Variants in FAM167A observed in about 807,000 individuals in gnomAD.
FAM167A encodes family with sequence similarity 167 member A, also known as protein FAM167A.
FAM167A carries 23 observed loss-of-function variants against 14.9 expected under a neutral mutation model. That is an observed-to-expected ratio of 1.55 (90% CI 1.11 to 2.19). FAM167A has a LOEUF of 2.19. Ranked by LOEUF, FAM167A falls within the 30% of genes most tolerant of loss-of-function variation. The pLI is 0.00. For synonymous variants in FAM167A, 174 were observed against 117.7 expected, an observed-to-expected ratio of 1.48 and a Z score of -3.10; for missense variants, 401 against 281.5, an observed-to-expected ratio of 1.42 and a Z score of -3.04.
At chr8:11,453,175 C>A (rs779998334) in intron 1 of FAM167A, among the ~76,000 whole-genome samples, 4 of 152,202 alleles carry the variant, frequency 2.6e-5, no homozygotes, top group Non-Finnish European at 5.9e-5. Context: ...AACTTTCCTA[C>A]TAAGTAACTT....
At chr8:11,441,847 G>A (rs961329216) in intron 2 of FAM167A, among the ~76,000 whole-genome samples, 5 of 152,096 alleles carry the variant, frequency 3.3e-5, no homozygotes, top group African/African-American at 1.2e-4. Flanking sequence ...GCATTCTGTT[G>A]CCTGCTGACA....
intron 2 of FAM167A, chr8:11,438,658 A>AT: frequency 2.6e-6 from 1 of 391,528 alleles, no homozygotes; most frequent in Non-Finnish European, 5.0e-6. Flanking sequence ...GTTTTGGTGT[A>AT]TTTCCTTTCC....
At chr8:11,441,989 G>C (rs1034105460) in intron 2 of FAM167A, among the ~76,000 whole-genome samples, 11 of 152,358 alleles carry the variant, frequency 7.2e-5, no homozygotes, top group African/African-American at 2.6e-4. Flanking sequence ...GTGGCACAGG[G>C]AAGTGGCTAG....
At chr8:11,456,677 C>G (rs944456823) in intron 1 of FAM167A, among the ~76,000 whole-genome samples, 1 of 151,220 alleles carries the variant, frequency 6.6e-6, no homozygotes, top group South Asian at 2.1e-4. Context: ...ATGGCTAGGG[C>G]TGAGTTAGTG....
At chr8:11,431,135 A>G (rs540584273) in intron 2 of FAM167A, among the ~76,000 whole-genome samples, 17 of 152,354 alleles carry the variant, frequency 1.1e-4, no homozygotes, top group Admixed American at 7.8e-4. Flanking sequence ...AATAGGCGGA[A>G]CCAACCCAGT....
At position 11,444,298 on chromosome 8, in the gene FAM167A, C is replaced by G; in HGVS notation, c.114G>C (p.Arg38Ser). 1 of 1,612,288 alleles carries G rather than the reference C, an allele frequency of 6.2e-7. No individual in the cohort carries two copies. The highest frequency in any genetic ancestry group is 8.5e-7 in the Non-Finnish European group (1 of 1,179,818). ...RSLKALTEKL[R>S]LETRRPSYLE... ...GGTAGGAGGGCCTGCGGGTCTCCAG[C>G]CTCAGTTTCTCGGTGAGGGCCTTCA... The change falls in exon 2 of 3, where the codon AGG (arginine) becomes AGC (serine). Residue 38 changes from arginine to serine, a missense_variant. Physicochemically the swap from Arg to Ser is moderately radical, Grantham distance 110. Transcript: ENST00000284486.
At position 11,438,170 on chromosome 8, in the gene FAM167A, T is replaced by C. The variant is rs115673738; in HGVS notation, c.381+5861A>G. On this transcript the variant is annotated intron_variant, in intron 2 of 2. Transcript: ENST00000284486. ...GGGGCTGGATGAAAAGACTTCCGCCTGCCTCTCTCAGCCCCGGAATCGCCA... is the reference window on the plus strand; with the variant it reads ...GGGGCTGGATGAAAAGACTTCCGCCCGCCTCTCTCAGCCCCGGAATCGCCA... The C allele has an allele frequency of 8.3e-4, 378 of 455,688 alleles. 2 individuals carry two copies. The highest frequency in any genetic ancestry group is 6.9e-3 in the African/African-American group (346 of 50,134). 28.2% of individuals were successfully genotyped at this position (455,688 alleles called of 1,614,324 possible). A position where few individuals can be genotyped will look rare whatever the true frequency, so the allele number is the denominator to read the frequency against.
In FAM167A at chr8:11,421,938, AAAGT is replaced by A. The variant is rs1804759112; in HGVS notation, c.*2431_*2434del. 2.5e-6 allele frequency: 1 copy of A among 397,936 alleles called. No homozygotes were observed. The highest frequency in any genetic ancestry group is 2.1e-5 in the African/African-American group (1 of 48,632). The allele number at this position is 397,936 out of a possible 1,614,324, so 24.7% of individuals were successfully genotyped here. A position where few individuals can be genotyped will look rare whatever the true frequency, so the allele number is the denominator to read the frequency against. Reference sequence around the variant, plus strand: ...ATGTGGTTAGTTGTGTTCACTGTGCAAAGTAAGGAAGCCAGTCAACACTGGACGA... The same window carrying A: ...ATGTGGTTAGTTGTGTTCACTGTGCAAAGGAAGCCAGTCAACACTGGACGA... On this transcript the variant is annotated 3_prime_UTR_variant, in exon 3 of 3. Transcript: ENST00000284486.
At chr8:11,442,285 C>T (rs1397653447) in intron 2 of FAM167A, among the ~76,000 whole-genome samples, 1 of 152,106 alleles carries the variant, frequency 6.6e-6, no homozygotes, top group Non-Finnish European at 1.5e-5. Flanking sequence ...ACATGAGAAG[C>T]ACGCAGGAGC....
In FAM167A at chr8:11,424,334, G is replaced by T; in HGVS notation, c.*39C>A. The T allele has an allele frequency of 6.2e-7, 1 of 1,607,624 alleles. No individual in the cohort carries two copies. The highest frequency in any genetic ancestry group is 8.5e-7 in the Non-Finnish European group (1 of 1,175,048). The stretch of plus-strand genomic sequence containing the variant: ...TTCCTCTGACACCCCTCCAGCCCAA[G>T]CCCTCCGCTCCAGCCCCTCCGCCCA... On this transcript the variant is annotated 3_prime_UTR_variant, in exon 3 of 3. Coordinates refer to ENST00000284486, the MANE Select transcript of FAM167A (RefSeq NM_053279.3).
chr8:11,465,969 T>C (rs1384137002), intron 1 of FAM167A, among the ~76,000 whole-genome samples: 1 of 151,826 alleles, frequency 6.6e-6, no homozygotes, highest in Non-Finnish European at 1.5e-5. Flanking sequence ...CAGTAACGGG[T>C]GTGCAGAAAA....
Position 11,449,038 on chromosome 8 carries a change from C to A in FAM167A, c.-397-4230G>T, listed in dbSNP as rs1452355848. On this transcript the variant is annotated intron_variant, in intron 1 of 2. Transcript: ENST00000284486. ...TCACTATTTTAGAGCAGGTGGTCAC[C>A]CGTAGCTGGCAGGAACGGGATTGCC... Among the ~76,000 whole-genome samples, 3 of 152,198 alleles carry A rather than the reference C, an allele frequency of 2.0e-5. No individual in the cohort carries two copies. In the East Asian group the frequency reaches 5.8e-4, roughly 29 times the overall value.
intron 2 of FAM167A, among the ~76,000 whole-genome samples, chr8:11,430,610 G>C (rs550881976): frequency 1.3e-5 from 2 of 152,330 alleles, no homozygotes; most frequent in Admixed American, 1.3e-4. Flanking sequence ...TAAAGAAAGA[G>C]AGCAAGAGAG....
chr8:11,427,248 C>A (rs562242631), intron 2 of FAM167A, among the ~76,000 whole-genome samples: 79 of 152,300 alleles, frequency 5.2e-4, no homozygotes, highest in African/African-American at 1.9e-3. Context: ...GCAGGACAGT[C>A]TGGCTCCATA....
chr8:11,435,990 G>C (rs919310294), intron 2 of FAM167A, among the ~76,000 whole-genome samples: 1 of 152,296 alleles, frequency 6.6e-6, no homozygotes, highest in Non-Finnish European at 1.5e-5. Flanking sequence ...CCCAGCTCCT[G>C]GGTGCCGGGT....
intron 2 of FAM167A, among the ~76,000 whole-genome samples, chr8:11,435,313 T>G (rs959917731): frequency 6.6e-6 from 1 of 152,142 alleles, no homozygotes; most frequent in Non-Finnish European, 1.5e-5. Context: ...TGCCCCTCCA[T>G]GCGGCCTCCA....
chr8:11,435,198 C>T (rs1392735880), intron 2 of FAM167A: 1 of 449,786 alleles, frequency 2.2e-6, no homozygotes, highest in Non-Finnish European at 4.5e-6. Context: ...AGGTTCTGTC[C>T]CCTCCCCTGT....
intron 1 of FAM167A, among the ~76,000 whole-genome samples, chr8:11,462,894 T>C (rs1000885012): frequency 5.3e-5 from 8 of 152,274 alleles, no homozygotes; most frequent in East Asian, 1.9e-4. Flanking sequence ...TGCGTTCTCA[T>C]TGGTAAAGAC....
chr8:11,454,138 G>A (rs1314073001), intron 1 of FAM167A, among the ~76,000 whole-genome samples: 1 of 152,240 alleles, frequency 6.6e-6, no homozygotes, highest in East Asian at 1.9e-4. Context: ...GGGATGGGAT[G>A]TCTTTAGTGC....
Sources: allele counts gnomAD v4.1 joint callset (sites outside exome capture counted in the v4.1 genomes callset), GRCh38; gene constraint gnomAD v4.1.1; transcripts MANE v1.5; gene names NCBI Gene and HGNC (gene_info 2026-07-23, HGNC 2026-07-21).